The following KIAA1217 variants were observed in gnomAD, a reference collection of about 807,000 sequenced individuals.
The protein encoded by KIAA1217 is KIAA1217, also known as sickle tail protein homolog.
In KIAA1217, 88 loss-of-function variants were observed where a neutral mutation model predicts 163.9. That is an observed-to-expected ratio of 0.54 (90% confidence interval 0.45 to 0.64). The LOEUF (loss-of-function observed/expected upper bound fraction) is 0.64. Among genes scored for constraint, KIAA1217 ranks in the 30% least tolerant of loss-of-function variants. The pLI, the probability that KIAA1217 is intolerant of heterozygous loss-of-function variation, is 0.00. For missense variants in KIAA1217, 2,372 were observed against 2,475.0 expected, an observed-to-expected ratio of 0.96 and a Z score of 0.88; for synonymous variants, 903 against 923.1, an observed-to-expected ratio of 0.98 and a Z score of 0.39.
chr10:24,323,422 A>G (rs1312691747), intron 2 of KIAA1217, among the ~76,000 whole-genome samples: 3 of 152,214 alleles, frequency 2.0e-5, no homozygotes, highest in Non-Finnish European at 4.4e-5. Context: ...CATTTGAGTA[A>G]GTCCTCCCAT....
intron 2 of KIAA1217, among the ~76,000 whole-genome samples, chr10:24,142,176 T>TATTTAG (rs1564748879): frequency 6.6e-6 from 1 of 152,208 alleles, no homozygotes; most frequent in Non-Finnish European, 1.5e-5. Context: ...ACCTGATATG[T>TATTTAG]ATTTAGATTT....
intron 1 of KIAA1217, among the ~76,000 whole-genome samples, chr10:23,739,830 A>T (rs1839008887): frequency 6.6e-6 from 1 of 152,148 alleles, no homozygotes; most frequent in Admixed American, 6.5e-5. Context: ...AGCAGGTGGG[A>T]GCAGCAGCGG....
chr10:24,231,666 A>G lies in KIAA1217; in HGVS notation c.354+11757A>G, dbSNP rs192045359. Among the ~76,000 whole-genome samples, 262 of 152,330 alleles carry G rather than the reference A, an allele frequency of 1.7e-3. 1 individual carries two copies. Among genetic ancestry groups the G allele is most frequent in the Non-Finnish European group, 2.9e-3 (194 of 68,030 alleles). ...CATTTACATTTGGATATGATGAAAA[A>G]CAAAAGTAAAAAAGAAAAAAAATGA... is the stretch of plus-strand genomic sequence containing the variant. On this transcript the variant is annotated intron_variant, in intron 2 of 20. Transcript: ENST00000376454.
At chr10:23,987,247 G>A (rs1471988729) in intron 1 of KIAA1217, among the ~76,000 whole-genome samples, 6 of 151,350 alleles carry the variant, frequency 4.0e-5, no homozygotes, top group Non-Finnish European at 8.8e-5. Context: ...TGTGGTGGTG[G>A]ACGCCTGTAG....
intron 1 of KIAA1217, among the ~76,000 whole-genome samples, chr10:23,857,816 T>G (rs750787189): frequency 9.2e-5 from 14 of 152,232 alleles, no homozygotes; most frequent in Non-Finnish European, 1.9e-4. Flanking sequence ...TATGGATGAA[T>G]GTATGTTCAT....
At chr10:24,539,327 C>G (rs1383793153) in intron 17 of KIAA1217, among the ~76,000 whole-genome samples, 1 of 152,120 alleles carries the variant, frequency 6.6e-6, no homozygotes, top group Non-Finnish European at 1.5e-5. Context: ...CTCCCCGGTT[C>G]AAGTGATTCT....
chr10:23,830,043 G>A (rs1838101146), intron 1 of KIAA1217, among the ~76,000 whole-genome samples: 1 of 152,086 alleles, frequency 6.6e-6, no homozygotes, highest in East Asian at 1.9e-4. Flanking sequence ...GTGCTATTTT[G>A]CCAACAACAT....
At chr10:24,129,957 C>T (rs140493041) in intron 2 of KIAA1217, among the ~76,000 whole-genome samples, 7 of 152,186 alleles carry the variant, frequency 4.6e-5, no homozygotes, top group East Asian at 1.9e-4. Context: ...TCCCCTGTCC[C>T]GCATAACCTT....
intron 5 of KIAA1217, among the ~76,000 whole-genome samples, chr10:24,465,627 T>C (rs1457525827): frequency 2.0e-5 from 3 of 152,180 alleles, no homozygotes; most frequent in Non-Finnish European, 4.4e-5. Flanking sequence ...GAAAACATGA[T>C]GGTAATCAGA....
intron 2 of KIAA1217, among the ~76,000 whole-genome samples, chr10:24,130,228 C>T (rs915366335): frequency 2.0e-5 from 3 of 152,086 alleles, no homozygotes; most frequent in Admixed American, 6.6e-5. Flanking sequence ...AGCGCAATGG[C>T]GCAATCATAG....
intron 1 of KIAA1217, among the ~76,000 whole-genome samples, chr10:23,886,040 C>T (rs563627536): frequency 9.9e-5 from 15 of 151,994 alleles, no homozygotes; most frequent in Admixed American, 3.3e-4. Context: ...CGTACTTACG[C>T]GTATTTCCTG....
chr10:23,721,770 G>A (rs1235861645), intron 1 of KIAA1217, among the ~76,000 whole-genome samples: 1 of 152,116 alleles, frequency 6.6e-6, no homozygotes, highest in Admixed American at 6.6e-5. Flanking sequence ...CTGGTTCTAA[G>A]TTTAAAAGAA....
chr10:24,190,011 A>G (rs1367779775), intron 2 of KIAA1217, among the ~76,000 whole-genome samples: 1 of 147,410 alleles, frequency 6.8e-6, no homozygotes, highest in Non-Finnish European at 1.5e-5. Context: ...ACAGAGTGAG[A>G]CTCTGTCTCT....
intron 2 of KIAA1217, among the ~76,000 whole-genome samples, chr10:24,200,918 GGGT>G (rs2067226915): frequency 2.0e-5 from 3 of 152,090 alleles, no homozygotes; most frequent in African/African-American, 7.2e-5. Context: ...TGAACATGTT[GGGT>G]GAAGGTATGT....
At position 23,781,502 on chromosome 10, in the gene KIAA1217, T is replaced by C. The variant is rs182320506; in HGVS notation, c.-321+86268T>C. On this transcript the variant is annotated intron_variant, in intron 1 of 18. Coordinates refer to the KIAA1217 transcript ENST00000376462. Reference sequence around the variant, plus strand: ...GACATTAACCCCTTATATAGATATATGGTTCTAAAATATTTTCTATCCATC... The same window carrying C: ...GACATTAACCCCTTATATAGATATACGGTTCTAAAATATTTTCTATCCATC... 3.4e-3 allele frequency among the ~76,000 whole-genome samples: 514 copies of C among 152,332 alleles called. 15 individuals are homozygous for C. The highest frequency in any genetic ancestry group is 0.028 in the Admixed American group (432 of 15,288).
At chr10:24,206,858 G>A (rs376477830), upstream of KIAA1217, among the ~76,000 whole-genome samples, 21 of 152,206 alleles carry the variant, frequency 1.4e-4, 1 homozygote, top group South Asian at 3.5e-3. Context: ...AAGCAAGGTC[G>A]GCTGACCAAG....
intron 2 of KIAA1217, among the ~76,000 whole-genome samples, chr10:24,167,030 C>CAG (rs879468020): frequency 0.017 from 2,655 of 152,122 alleles, 27 homozygotes; most frequent in Middle Eastern, 0.058. Flanking sequence ...AAGCATACCC[C>CAG]CTTTAGGTTT....
At chr10:23,705,316 C>T (rs1836815144) in intron 1 of KIAA1217, among the ~76,000 whole-genome samples, 1 of 151,756 alleles carries the variant, frequency 6.6e-6, no homozygotes, top group Non-Finnish European at 1.5e-5. Flanking sequence ...TCTTTTGTTG[C>T]TTGTGCAACA....
At chr10:24,122,975 T>G (rs527996574) in intron 2 of KIAA1217, among the ~76,000 whole-genome samples, 3 of 152,108 alleles carry the variant, frequency 2.0e-5, no homozygotes, top group African/African-American at 7.2e-5. Flanking sequence ...TTGCATATAT[T>G]AGTTCAGAAA....
Sources: allele counts gnomAD v4.1 joint callset (sites outside exome capture counted in the v4.1 genomes callset), GRCh38; gene constraint gnomAD v4.1.1; transcripts MANE v1.5; gene names NCBI Gene and HGNC (gene_info 2026-07-23, HGNC 2026-07-21).